The following BICD1 variants were observed in gnomAD, a reference collection of about 807,000 sequenced individuals.
BICD1 encodes the protein BICD cargo adaptor 1, also known as protein bicaudal D homolog 1.
A neutral mutation model predicts 92.5 loss-of-function variants in BICD1; 35 were observed. The ratio of observed to expected loss-of-function variants is 0.38; its 90% CI spans 0.29 to 0.50. The LOEUF is 0.50. BICD1 is among the 20% of genes least tolerant of loss of function. The probability of loss-of-function intolerance (pLI) is 0.93; values close to 1 mark genes in which losing one functional copy is unlikely to be tolerated. For synonymous variants in BICD1, 429 were observed against 465.1 expected (o/e 0.92, Z 1.00); for missense variants, 950 against 1,189.8 (o/e 0.80, Z 2.97).
chr12:32,340,199 G>T (rs1336421194), intron 8 of BICD1: 3 of 985,230 alleles, frequency 3.0e-6, no homozygotes, highest in South Asian at 4.7e-5. Flanking sequence ...GGGATTAAAA[G>T]ATGTGGTGTA....
At chr12:32,300,631 ATTTTTTTTT>A (rs34219566) in intron 3 of BICD1, among the ~76,000 whole-genome samples, 15 of 80,596 alleles carry the variant, frequency 1.9e-4, no homozygotes, top group South Asian at 5.0e-4. Context: ...ACTTTACAGT[ATTTTTTTTT>A]TTTTTTTTTT....
At chr12:32,122,558 A>G (rs1354357483) in intron 1 of BICD1, among the ~76,000 whole-genome samples, 1 of 151,890 alleles carries the variant, frequency 6.6e-6, no homozygotes, top group Non-Finnish European at 1.5e-5. Context: ...CAGGTCTTCT[A>G]TCTTAATTAC....
intron 1 of BICD1, among the ~76,000 whole-genome samples, chr12:32,154,563 T>G (rs1394266271): frequency 1.3e-5 from 2 of 152,196 alleles, no homozygotes; most frequent in Admixed American, 6.5e-5. Flanking sequence ...TCGTACTCAT[T>G]TTTATGACTT....
At chr12:32,133,500 A>C (rs546990053) in intron 1 of BICD1, among the ~76,000 whole-genome samples, 1 of 152,050 alleles carries the variant, frequency 6.6e-6, no homozygotes. Flanking sequence ...AAAAAAAAAA[A>C]AGATGAGTCT....
At chr12:32,269,198 T>C (rs1947075366) in intron 2 of BICD1, among the ~76,000 whole-genome samples, 1 of 152,188 alleles carries the variant, frequency 6.6e-6, no homozygotes, top group Non-Finnish European at 1.5e-5. Flanking sequence ...AATAGTAGTA[T>C]ATATTAATAC....
chr12:32,140,840 A>C (rs1026197952), intron 1 of BICD1, among the ~76,000 whole-genome samples: 2 of 152,120 alleles, frequency 1.3e-5, no homozygotes, highest in Non-Finnish European at 2.9e-5. Flanking sequence ...CTAAAAAAAA[A>C]ACAAAGGACA....
chr12:32,177,314 C>CAAA (rs35641000), intron 1 of BICD1, among the ~76,000 whole-genome samples: 1 of 138,136 alleles, frequency 7.2e-6, no homozygotes, highest in Non-Finnish European at 1.6e-5. Flanking sequence ...GACTCAGTCT[C>CAAA]AAAAAAAAAA....
chr12:32,116,490 CTTTCTCTCTCTCTCTCTCTCTA>C (rs762568354), intron 1 of BICD1, among the ~76,000 whole-genome samples: 8,380 of 123,120 alleles, frequency 0.068, 362 homozygotes, highest in Admixed American at 0.16. Context: ...CTCTCTCTCT[CTTTCTCTCTCTCTCTCTCTCTA>C]TATATATATA....
intron 2 of BICD1, among the ~76,000 whole-genome samples, chr12:32,282,375 C>T (rs765271259): frequency 3.3e-5 from 5 of 151,884 alleles, no homozygotes; most frequent in Non-Finnish European, 5.9e-5. Flanking sequence ...CACATGCCAC[C>T]ACACCCAGCT....
intron 2 of BICD1, among the ~76,000 whole-genome samples, chr12:32,226,905 G>A (rs117194300): frequency 1.3e-5 from 2 of 152,204 alleles, no homozygotes; most frequent in African/African-American, 2.4e-5. Flanking sequence ...GGAGCCTGGC[G>A]GGGAAGGGAA....
rs1948424995 is a variant in BICD1 at position 32,313,277 on chromosome 12, T to A, written c.1005+7155T>A. 6.6e-6 allele frequency among the ~76,000 whole-genome samples: 1 copy of A among 152,252 alleles called. No individual in the cohort carries two copies. Reference sequence around the variant, plus strand: ...TGATCCACTCTATTAAAGGCAATTTTAGTTTTTTCTATAATGATTGATGTT... The same window carrying A: ...TGATCCACTCTATTAAAGGCAATTTAAGTTTTTTCTATAATGATTGATGTT... On this transcript the variant is annotated intron_variant, in intron 4 of 9. Transcript: ENST00000652176. The surrounding 1 kb of genome is among the most constrained non-coding windows in gnomAD (Gnocchi z 4.2).
intron 1 of BICD1, among the ~76,000 whole-genome samples, chr12:32,133,752 A>G (rs916256704): frequency 4.6e-5 from 7 of 151,238 alleles, no homozygotes; most frequent in Non-Finnish European, 8.8e-5. Flanking sequence ...TGTGAAACCA[A>G]CTTTATCCAG....
At chr12:32,172,297 A>T (rs1943968958) in intron 1 of BICD1, among the ~76,000 whole-genome samples, 3 of 152,208 alleles carry the variant, frequency 2.0e-5, no homozygotes, top group Non-Finnish European at 4.4e-5. Context: ...AGTTATATAG[A>T]GATGAAAAGA....
intron 1 of BICD1, among the ~76,000 whole-genome samples, chr12:32,126,810 T>A (rs1942360582): frequency 6.6e-6 from 1 of 152,052 alleles, no homozygotes; most frequent in African/African-American, 2.4e-5. Flanking sequence ...AAAATATAAA[T>A]ATACAAGGAA....
intron 1 of BICD1, among the ~76,000 whole-genome samples, chr12:32,201,795 A>C (rs11051846): frequency 0.18 from 27,106 of 151,888 alleles, 3,026 homozygotes; most frequent in East Asian, 0.28. Context: ...AAAAAAAAAA[A>C]CACAATCTTT....
At chr12:32,347,834 C>T (rs1052110077) in intron 8 of BICD1, among the ~76,000 whole-genome samples, 1 of 152,022 alleles carries the variant, frequency 6.6e-6, no homozygotes, top group Non-Finnish European at 1.5e-5. Flanking sequence ...GCCCATGTTT[C>T]TTATTTTAAG....
rs1414435889 is a variant in BICD1 at position 32,360,054 on chromosome 12, G to A, written c.2765-7616G>A. Among the ~76,000 whole-genome samples, 9 of 152,168 alleles carry A rather than the reference G, an allele frequency of 5.9e-5. No homozygotes were observed. In the East Asian group the frequency reaches 1.7e-3, roughly 29 times the overall value. ...CAAAAAATTAGCCAGGCGTGGTGGTGGGTGCCTGTAGTCCCAGCTACTCGG... is the reference window on the plus strand; with the variant it reads ...CAAAAAATTAGCCAGGCGTGGTGGTAGGTGCCTGTAGTCCCAGCTACTCGG... On this transcript the variant is annotated intron_variant, in intron 8 of 9. Transcript: ENST00000652176.
At position 32,202,686 on chromosome 12, in the gene BICD1, C is replaced by T. The variant is rs374885611; in HGVS notation, c.214-13561C>T. Among the ~76,000 whole-genome samples, 6 of 152,300 alleles carry T rather than the reference C, an allele frequency of 3.9e-5. No individual in the cohort carries two copies. The South Asian group carries it at 1.2e-3, about 32-fold the overall frequency. ...GGTACAGTGGTGTGATCTTGGCTCA[C>T]TGCAGCCTCGACCTTCCAGGCTCAA... On this transcript the variant is annotated intron_variant, in intron 1 of 9. Coordinates refer to ENST00000652176, the MANE Select transcript of BICD1 (RefSeq NM_001714.4).
chr12:32,357,012 C>CTTTTTT (rs35643247), intron 8 of BICD1, among the ~76,000 whole-genome samples: 4 of 129,574 alleles, frequency 3.1e-5, no homozygotes, highest in Non-Finnish European at 4.8e-5. Flanking sequence ...GATTCTCCTG[C>CTTTTTT]TTTTTTTTTT....
Sources: allele counts gnomAD v4.1 joint callset (sites outside exome capture counted in the v4.1 genomes callset), GRCh38; gene constraint gnomAD v4.1.1; non-coding constraint Gnocchi (gnomAD v3.1); transcripts MANE v1.5; gene names NCBI Gene and HGNC (gene_info 2026-07-23, HGNC 2026-07-21).